Variants in MAPK8 observed in about 807,000 individuals in gnomAD.
MAPK8 encodes the protein JUN N-terminal kinase.
Under a neutral mutation model 52.9 loss-of-function variants are expected in MAPK8, and 13 were observed. The ratio of observed to expected loss-of-function variants is 0.25; its 90% CI spans 0.16 to 0.39. MAPK8 has a LOEUF of 0.39. Among genes scored for constraint, MAPK8 ranks in the 10% least tolerant of loss-of-function variants. The pLI, the probability that MAPK8 is intolerant of heterozygous loss-of-function variation, is 1.00. For synonymous variants in MAPK8, 191 were observed against 169.8 expected (o/e 1.12, Z -0.97); for missense variants, 300 against 519.2 (o/e 0.58, Z 4.10).
chr10:48,379,756 T>G (rs907622604), intron 1 of MAPK8, among the ~76,000 whole-genome samples: 5 of 152,102 alleles, frequency 3.3e-5, no homozygotes, highest in African/African-American at 1.2e-4. Context: ...CAATCTTCAT[T>G]AACACATCAG....
intron 1 of MAPK8, among the ~76,000 whole-genome samples, chr10:48,326,871 G>A (rs935448072): frequency 5.3e-5 from 8 of 152,102 alleles, no homozygotes; most frequent in Non-Finnish European, 1.2e-4. Flanking sequence ...TTCCAACATA[G>A]GTCTTATAGC....
chr10:48,320,574 G>T (rs1442499080), intron 1 of MAPK8, among the ~76,000 whole-genome samples: 3 of 152,054 alleles, frequency 2.0e-5, no homozygotes, highest in African/African-American at 4.8e-5. Flanking sequence ...TTATTTGGTT[G>T]TACGATATGC....
At chr10:48,351,714 AAAG>A (rs763265515) in intron 1 of MAPK8, among the ~76,000 whole-genome samples, 9 of 152,338 alleles carry the variant, frequency 5.9e-5, no homozygotes, top group East Asian at 3.9e-4. Flanking sequence ...GACACAAAAA[AAAG>A]AAGACACAAA....
intron 1 of MAPK8, among the ~76,000 whole-genome samples, chr10:48,372,292 TCCAAAAA>T (rs2040375124): frequency 6.6e-6 from 1 of 151,938 alleles, no homozygotes; most frequent in Admixed American, 6.6e-5. Context: ...GTCTGAAAAT[TCCAAAAA>T]CCAGAACACC....
chr10:48,413,299 T>G (rs1040540880), intron 5 of MAPK8, among the ~76,000 whole-genome samples: 4 of 152,208 alleles, frequency 2.6e-5, no homozygotes, highest in African/African-American at 9.6e-5. Context: ...TCATTTGGGC[T>G]ACAGCCAGAA....
chr10:48,362,498 T>C (rs547017616), intron 1 of MAPK8, among the ~76,000 whole-genome samples: 3 of 143,048 alleles, frequency 2.1e-5, no homozygotes, highest in Admixed American at 7.5e-5. Context: ...TGTGAATTAA[T>C]GGGGAACAAA....
At chr10:48,318,787 A>G (rs527531255) in intron 1 of MAPK8, among the ~76,000 whole-genome samples, 20 of 152,310 alleles carry the variant, frequency 1.3e-4, no homozygotes, top group Non-Finnish European at 2.1e-4. Flanking sequence ...AATGTCCTCA[A>G]TGAATAAGGA....
At chr10:48,330,892 T>C (rs1056560996) in intron 1 of MAPK8, among the ~76,000 whole-genome samples, 1 of 152,318 alleles carries the variant, frequency 6.6e-6, no homozygotes, top group African/African-American at 2.4e-5. Context: ...ATCATGACTT[T>C]ATAGGTGCAT....
intron 1 of MAPK8, among the ~76,000 whole-genome samples, chr10:48,349,992 T>C (rs1846151805): frequency 6.6e-6 from 1 of 152,164 alleles, no homozygotes; most frequent in African/African-American, 2.4e-5. Context: ...TAAACACCTC[T>C]ATGCAAATAA....
intron 1 of MAPK8, among the ~76,000 whole-genome samples, chr10:48,342,056 T>C (rs1050242702): frequency 6.6e-6 from 1 of 152,200 alleles, no homozygotes; most frequent in African/African-American, 2.4e-5. Context: ...AGGAGAAGTA[T>C]GCAGGGCCTA....
At chr10:48,339,443 G>T (rs1845020433) in intron 1 of MAPK8, among the ~76,000 whole-genome samples, 1 of 152,098 alleles carries the variant, frequency 6.6e-6, no homozygotes, top group South Asian at 2.1e-4. Flanking sequence ...ACTCAAGATG[G>T]ATTAAAGACT....
intron 1 of MAPK8, among the ~76,000 whole-genome samples, chr10:48,398,447 T>C (rs1272915387): frequency 6.6e-6 from 1 of 152,136 alleles, no homozygotes; most frequent in Admixed American, 6.5e-5. Flanking sequence ...TAAAATTAAA[T>C]GGCAATCCGA....
At chr10:48,402,903 C>T (rs768579319) in intron 2 of MAPK8, among the ~76,000 whole-genome samples, 18 of 152,060 alleles carry the variant, frequency 1.2e-4, no homozygotes, top group South Asian at 2.1e-4. Context: ...ACATTTTAAA[C>T]GAACTGGAGC....
chr10:48,356,966 A>AAATACT (rs1847035415), intron 1 of MAPK8, among the ~76,000 whole-genome samples: 1 of 151,708 alleles, frequency 6.6e-6, no homozygotes, highest in South Asian at 2.1e-4. Context: ...TATATCGTGC[A>AAATACT]AATACTAATA....
chr10:48,361,184 C>T (rs1847488020), intron 1 of MAPK8, among the ~76,000 whole-genome samples: 1 of 152,056 alleles, frequency 6.6e-6, no homozygotes, highest in Non-Finnish European at 1.5e-5. Context: ...TTTAGAGTTC[C>T]ACTTTTGTAT....
chr10:48,424,465 T>A, intron 7 of MAPK8: 1 of 1,237,338 alleles, frequency 8.1e-7, no homozygotes, highest in Middle Eastern at 1.9e-4. Context: ...CTTTTTTTTT[T>A]TATTTTAACC....
At chr10:48,361,931 G>T (rs1165548516) in intron 1 of MAPK8, among the ~76,000 whole-genome samples, 1 of 152,030 alleles carries the variant, frequency 6.6e-6, no homozygotes, top group African/African-American at 2.4e-5. Context: ...CTTCCTCATT[G>T]CCTGTATAGC....
intron 1 of MAPK8, among the ~76,000 whole-genome samples, chr10:48,307,531 CTT>C (rs1325164285): frequency 6.6e-6 from 1 of 152,154 alleles, no homozygotes; most frequent in East Asian, 1.9e-4. Context: ...CCTCCCATCT[CTT>C]TGTCTCGCAT....
intron 1 of MAPK8, among the ~76,000 whole-genome samples, chr10:48,364,357 C>T (rs757179341): frequency 2.0e-5 from 3 of 151,474 alleles, no homozygotes; most frequent in Non-Finnish European, 2.9e-5. Context: ...TGAAATGGCT[C>T]ATTAGAGCTT....
Sources: gnomAD v4.1 joint callset for allele counts (sites outside exome capture counted in the v4.1 genomes callset) on GRCh38, gnomAD v4.1.1 for gene constraint, MANE v1.5 for transcripts, NCBI Gene and HGNC (gene_info 2026-07-23, HGNC 2026-07-21) for gene names.